CHIC1: variants seen among roughly 807,000 people sequenced by gnomAD.
CHIC1 encodes the protein cysteine rich hydrophobic domain 1.
A neutral mutation model predicts 18.5 loss-of-function variants in CHIC1; 7 were observed. The observed-to-expected ratio is 0.38, with a 90% CI of 0.22 to 0.71. The LOEUF is 0.71. Among genes scored for constraint, CHIC1 ranks in the 30% least tolerant of loss-of-function variants. CHIC1 has a pLI of 0.49. For synonymous variants in CHIC1, 77 were observed against 73.5 expected (o/e 1.05, Z -0.25); for missense variants, 159 against 176.9 (o/e 0.90, Z 0.57).
chrX:73,624,799 T>A (rs1402955790), intron 3 of CHIC1, among the ~76,000 whole-genome samples: 3 of 112,144 alleles, frequency 2.7e-5, no homozygotes, highest in Non-Finnish European at 5.6e-5. Flanking sequence ...CCATGTTCTA[T>A]CCTAAGGTAT....
intron 3 of CHIC1, among the ~76,000 whole-genome samples, chrX:73,648,353 G>A (rs957093274): frequency 8.9e-6 from 1 of 112,176 alleles, no homozygotes; most frequent in Non-Finnish European, 1.9e-5. Context: ...CACAGAACTG[G>A]ACAGAGAATG....
chrX:73,680,797 A>T (rs1310553871), intron 5 of CHIC1, among the ~76,000 whole-genome samples, 158 bp from the exon 6 acceptor site: 1 of 111,529 alleles, frequency 9.0e-6, no homozygotes, highest in Admixed American at 9.5e-5. Flanking sequence ...CTTGTGGTTT[A>T]AGTTCTTTAC....
intron 3 of CHIC1, among the ~76,000 whole-genome samples, chrX:73,642,370 G>GT (rs748942261): frequency 5.4e-5 from 6 of 111,443 alleles, no homozygotes; most frequent in African/African-American, 2.0e-4. Context: ...GGCGTTGTTT[G>GT]TTTTTTTCTT....
intron 2 of CHIC1, among the ~76,000 whole-genome samples, chrX:73,580,958 T>C (rs2057523846): frequency 9.0e-6 from 1 of 111,337 alleles, no homozygotes; most frequent in African/African-American, 3.2e-5. Context: ...TTATATTAAG[T>C]GCAGAAAAGA....
intron 3 of CHIC1, among the ~76,000 whole-genome samples, chrX:73,671,237 A>G (rs184570040): frequency 8.9e-6 from 1 of 111,952 alleles, no homozygotes; most frequent in African/African-American, 3.2e-5. Context: ...TCTGATTCTG[A>G]CTTTGACAGT....
intron 3 of CHIC1, among the ~76,000 whole-genome samples, chrX:73,649,271 C>A (rs1318699087): frequency 9.0e-6 from 1 of 111,653 alleles, no homozygotes; most frequent in African/African-American, 3.3e-5. Context: ...ACCAATGACA[C>A]CATGAAGAAA....
intron 3 of CHIC1, among the ~76,000 whole-genome samples, chrX:73,623,912 A>G (rs1227549098): frequency 9.0e-6 from 1 of 111,596 alleles, no homozygotes; most frequent in African/African-American, 3.3e-5. Context: ...ACGTATAAAT[A>G]CACAGATAAA....
At chrX:73,655,819 A>G (rs2057946344) in intron 3 of CHIC1, among the ~76,000 whole-genome samples, 1 of 109,400 alleles carries the variant, frequency 9.1e-6, no homozygotes, top group Non-Finnish European at 1.9e-5. Flanking sequence ...TTCCTTTGGT[A>G]TATTCCCAGC....
At chrX:73,664,881 G>T (rs2057997012) in intron 3 of CHIC1, among the ~76,000 whole-genome samples, 1 of 111,963 alleles carries the variant, frequency 8.9e-6, no homozygotes, top group African/African-American at 3.2e-5. Flanking sequence ...TATTGGCTGG[G>T]CTCCAAAGTT....
chrX:73,656,409 T>G (rs1367814891), intron 3 of CHIC1, among the ~76,000 whole-genome samples: 1 of 112,223 alleles, frequency 8.9e-6, no homozygotes, highest in Non-Finnish European at 1.9e-5. Flanking sequence ...GCCTAGATTT[T>G]CTTTTAGGGA....
intron 3 of CHIC1, among the ~76,000 whole-genome samples, chrX:73,669,437 C>T (rs1284220017): frequency 1.8e-5 from 2 of 111,630 alleles, no homozygotes; most frequent in African/African-American, 6.5e-5. Flanking sequence ...ACTCTCTAAG[C>T]CCACATGGTG....
At chrX:73,568,126 G>A (rs1382018858) in intron 1 of CHIC1, among the ~76,000 whole-genome samples, 2 of 111,462 alleles carry the variant, frequency 1.8e-5, no homozygotes, top group East Asian at 5.6e-4. Flanking sequence ...ATGCTGTGGA[G>A]AGCACTGGTT....
intron 3 of CHIC1, among the ~76,000 whole-genome samples, chrX:73,665,029 G>T (rs1461418172): frequency 8.9e-6 from 1 of 112,051 alleles, no homozygotes; most frequent in African/African-American, 3.3e-5. Context: ...TAAAAGAAAT[G>T]GGTTCATATA....
At chrX:73,655,632 A>ATAGT (rs2057944656) in intron 3 of CHIC1, among the ~76,000 whole-genome samples, 1 of 17,937 alleles carries the variant, frequency 5.6e-5, no homozygotes, top group African/African-American at 1.6e-4. Context: ...ATATATATAT[A>ATAGT]GTGTGTGTGT....
rs748822234 is a variant in CHIC1 at position 73,595,576 on chromosome X, G to A, written c.507+11004G>A. Among the ~76,000 whole-genome samples the A allele has an allele frequency of 1.1e-4, 12 of 111,403 alleles. No homozygotes were observed. In the South Asian group the frequency reaches 1.9e-3, roughly 18 times the overall value. On this transcript the variant is annotated intron_variant, in intron 3 of 5. Coordinates refer to ENST00000373502, the MANE Select transcript of CHIC1 (RefSeq NM_001039840.4). ...CATTTTCTTTATCCAGTCTAATATT[G>A]ATGGACATTTGGGTTGGTTTTAAGT...
intron 3 of CHIC1, among the ~76,000 whole-genome samples, chrX:73,644,276 A>T (rs2057875366): frequency 1.8e-5 from 2 of 111,855 alleles, no homozygotes; most frequent in Admixed American, 1.9e-4. Flanking sequence ...CGGCCATGTG[A>T]GGTGTCAGTC....
intron 3 of CHIC1, among the ~76,000 whole-genome samples, chrX:73,659,083 C>T (rs968982575): frequency 1.3e-4 from 14 of 111,791 alleles, no homozygotes; most frequent in Non-Finnish European, 1.9e-4. Flanking sequence ...TTTGAGTCAA[C>T]GTACTTGTGG....
chrX:73,627,139 A>T (rs1160868533), intron 3 of CHIC1, among the ~76,000 whole-genome samples: 1 of 94,494 alleles, frequency 1.1e-5, no homozygotes, highest in Non-Finnish European at 2.0e-5. Flanking sequence ...AGTTCTCCCA[A>T]AAAAAAAAAA....
rs776130498 is a variant in CHIC1, at chrX:73,563,464, G to GGAGGAGGAGGAA, written c.194_205dup (p.Glu65_Glu68dup). On this transcript the variant is annotated inframe_insertion, in exon 1 of 6. Transcript: ENST00000373502. ...AGGAAGAGGAGGAGGAGGAAGAAGA[G>GGAGGAGGAGGAA]GAGGAGGAGGAAGAGGAGGAGGAAG... The GGAGGAGGAGGAA allele has an allele frequency of 6.1e-6, 7 of 1,151,358 alleles. No homozygotes were observed. Among genetic ancestry groups the GGAGGAGGAGGAA allele is most frequent in the Non-Finnish European group, 8.1e-6 (7 of 865,667 alleles). The allele number at this position is 1,151,358 out of a possible 1,213,427, so 94.9% of individuals were successfully genotyped here. A position where few individuals can be genotyped will look rare whatever the true frequency, so the allele number is the denominator to read the frequency against.
Sources: gnomAD v4.1 joint callset for allele counts (sites outside exome capture counted in the v4.1 genomes callset) on GRCh38, gnomAD v4.1.1 for gene constraint, MANE v1.5 for transcripts, NCBI Gene and HGNC (gene_info 2026-07-23, HGNC 2026-07-21) for gene names.